TTC7A: variants seen among roughly 807,000 people sequenced by gnomAD.
The protein encoded by TTC7A is tetratricopeptide repeat domain 7A, also known as tetratricopeptide repeat protein 7A.
TTC7A carries 110 observed loss-of-function variants against 103.7 expected under a neutral mutation model. The ratio of observed to expected loss-of-function variants is 1.06; its 90% CI spans 0.91 to 1.24. TTC7A has a LOEUF of 1.24. Ranked by LOEUF, TTC7A falls within the 50% of genes most tolerant of loss-of-function variation. The pLI, the probability that TTC7A is intolerant of heterozygous loss-of-function variation, is 0.00. For synonymous variants in TTC7A, 521 were observed against 467.9 expected (o/e 1.11, Z -1.47); for missense variants, 1,340 against 1,116.3 (o/e 1.20, Z -2.86).
At chr2:47,061,074 C>T in intron 19 of TTC7A, 103 bp downstream of exon 19, 44 of 1,229,246 alleles carry the variant, frequency 3.6e-5, no homozygotes, top group Non-Finnish European at 4.7e-5. Context: ...CCTGCCTGTG[C>T]CTTGCTACTG....
chr2:46,952,700 T>G lies in TTC7A; in HGVS notation c.348+2174T>G, dbSNP rs948651369. Among the ~76,000 whole-genome samples, 4 of 152,276 alleles carry G rather than the reference T, an allele frequency of 2.6e-5. No individual in the cohort carries two copies. The South Asian group carries it at 8.3e-4, about 32-fold the overall frequency. ...CTAGGAGGTTGGGGCTGCAGTGAGT[T>G]GTGTTCATGCCACTGCACTCCAGCC... On this transcript the variant is annotated intron_variant, in intron 2 of 19. Transcript: ENST00000319190.
At position 47,044,050 on chromosome 2, in the gene TTC7A, G is replaced by A. The variant is rs533473219; in HGVS notation, c.1803-2265G>A. On this transcript the variant is annotated intron_variant, in intron 15 of 19. Transcript: ENST00000319190. ...GCTGTCCCCAGGGAGCTGTCCCCAG[G>A]AACCAGCCCAGCCCAGGGGACTTGG... 5.3e-4 allele frequency among the ~76,000 whole-genome samples: 80 copies of A among 151,938 alleles called. 2 individuals are homozygous for A. The South Asian group carries it at 1.0e-2, about 19-fold the overall frequency.
rs1302696011 is a variant in TTC7A, at chr2:46,960,581, C to T, written c.517+3574C>T. Among the ~76,000 whole-genome samples, 4 of 152,364 alleles carry T rather than the reference C, an allele frequency of 2.6e-5. No individual in the cohort carries two copies. In the East Asian group the frequency reaches 7.7e-4, roughly 29 times the overall value. The stretch of plus-strand genomic sequence containing the variant: ...TCACTGAATCAGAATCTACACCTTA[C>T]AACTTTCCCAGGTGATGTACACGCA... On this transcript the variant is annotated intron_variant, in intron 3 of 19. Coordinates refer to ENST00000319190, the MANE Select transcript of TTC7A (RefSeq NM_020458.4).
intron 3 of TTC7A, among the ~76,000 whole-genome samples, chr2:46,972,298 A>G (rs1289211597): frequency 1.3e-5 from 2 of 151,600 alleles, no homozygotes; most frequent in Non-Finnish European, 2.9e-5. Context: ...TTTCTTACAG[A>G]TTGTTTTTAT....
At chr2:46,934,958 G>A (rs555355953) in intron 2 of TTC7A, among the ~76,000 whole-genome samples, 1 of 151,680 alleles carries the variant, frequency 6.6e-6, no homozygotes, top group East Asian at 1.9e-4. Flanking sequence ...GCACCACCAC[G>A]TCCAGCTAAT....
chr2:47,004,268 G>T (rs946354142), intron 8 of TTC7A, among the ~76,000 whole-genome samples: 7 of 152,236 alleles, frequency 4.6e-5, no homozygotes, highest in Non-Finnish European at 8.8e-5. Flanking sequence ...GTCCCCCAGG[G>T]TGAGTCACTT....
chr2:46,950,329 G>A, intron 1 of TTC7A, 34 bp from the exon 2 acceptor site: 1 of 1,611,944 alleles, frequency 6.2e-7, no homozygotes, highest in Non-Finnish European at 8.5e-7. Context: ...CCTTGTTCGG[G>A]GTTTGCTGCT....
Position 46,975,183 on chromosome 2 carries a change from C to T in TTC7A, c.648+80C>T, listed in dbSNP as rs999006062. On this transcript the variant is annotated intron_variant, in intron 4 of 19. Transcript: ENST00000319190. ...TATGGATCCCACTAAACCCATAGGT[C>T]ACCTGTGTGCTAATTAGAAGAAGTC... The T allele has an allele frequency of 1.4e-5, 22 of 1,551,576 alleles. No individual in the cohort carries two copies. In the Admixed American group the frequency reaches 1.9e-4, roughly 13 times the overall value.
intron 11 of TTC7A, among the ~76,000 whole-genome samples, chr2:47,020,750 G>A (rs573914612): frequency 3.9e-5 from 6 of 152,322 alleles, no homozygotes; most frequent in African/African-American, 1.2e-4. Flanking sequence ...TCTGTCTCAT[G>A]ATCTCACTTC....
At chr2:47,067,362 C>T (rs1434999025) in intron 19 of TTC7A, among the ~76,000 whole-genome samples, 3 of 152,188 alleles carry the variant, frequency 2.0e-5, no homozygotes, top group East Asian at 1.9e-4. Context: ...CTTGGTGGCA[C>T]GTGGCCTGAG....
chr2:46,927,391 C>G (rs769676890), intron 2 of TTC7A, among the ~76,000 whole-genome samples: 3 of 135,238 alleles, frequency 2.2e-5, no homozygotes, highest in Non-Finnish European at 3.1e-5. Context: ...GAGTCTCGTT[C>G]TGTTGCCCAG....
intron 4 of TTC7A, chr2:46,978,189 G>A (rs1674059809): frequency 6.5e-6 from 1 of 152,674 alleles, no homozygotes; most frequent in Non-Finnish European, 1.5e-5. Flanking sequence ...GTGCTGTCTG[G>A]TTGAAGAGTG....
At chr2:47,071,841 C>A (rs1270136118) in intron 19 of TTC7A, among the ~76,000 whole-genome samples, 1 of 152,216 alleles carries the variant, frequency 6.6e-6, no homozygotes, top group East Asian at 1.9e-4. Context: ...GCAGTTGAGC[C>A]CATTTTTCAA....
intron 5 of TTC7A, among the ~76,000 whole-genome samples, chr2:46,982,943 G>T (rs992905303): frequency 6.6e-6 from 1 of 151,316 alleles, no homozygotes; most frequent in African/African-American, 2.4e-5. Flanking sequence ...CTCCAGCCTG[G>T]GCCAACAGAG....
Position 47,073,689 on chromosome 2 carries a change from G to A in TTC7A, c.2356-13G>A, listed in dbSNP as rs1319697350. 6.2e-6 allele frequency: 10 copies of A among 1,613,394 alleles called. No individual in the cohort carries two copies. The highest frequency in any genetic ancestry group is 6.8e-6 in the Non-Finnish European group (8 of 1,179,812). On this transcript the variant is annotated splice_polypyrimidine_tract_variant and intron_variant, in intron 19 of 19. Transcript: ENST00000319190. ...GACACCCCTACTCACCCTGCCCTGT[G>A]CTTCGTCCACAGGGTCTGATGCTGA...
At chr2:46,941,109 C>T (rs1217055499), upstream of TTC7A, 1 of 148,550 alleles carries the variant, frequency 6.7e-6, no homozygotes, top group Non-Finnish European at 1.5e-5. The surrounding 1 kb of genome is among the most constrained non-coding windows in gnomAD (Gnocchi z 4.2). Flanking sequence ...CTGCTGTGGC[C>T]GCGCTGGCAG....
intron 10 of TTC7A, 143 bp from the exon 11 acceptor site, chr2:47,011,188 C>G (rs906537225): frequency 1.5e-6 from 1 of 654,664 alleles, no homozygotes; most frequent in African/African-American, 1.8e-5. Flanking sequence ...ACTGCCTAGG[C>G]TTCTCTGCCC....
At chr2:47,026,916 G>A (rs1183159906) in intron 14 of TTC7A, among the ~76,000 whole-genome samples, 1 of 152,200 alleles carries the variant, frequency 6.6e-6, no homozygotes, top group East Asian at 1.9e-4. Context: ...TCACCCCAGA[G>A]CCTCTGAGCA....
intron 4 of TTC7A, among the ~76,000 whole-genome samples, chr2:46,975,523 G>A (rs1673791633): frequency 1.3e-5 from 2 of 151,778 alleles, no homozygotes; most frequent in African/African-American, 2.4e-5. Flanking sequence ...TCAGAGGCTG[G>A]TAAAAGAGTT....
Sources: allele counts gnomAD v4.1 joint callset (sites outside exome capture counted in the v4.1 genomes callset), GRCh38; gene constraint gnomAD v4.1.1; non-coding constraint Gnocchi (gnomAD v3.1); transcripts MANE v1.5; gene names NCBI Gene and HGNC (gene_info 2026-07-23, HGNC 2026-07-21).